FOXP2: variants seen among roughly 807,000 people sequenced by gnomAD.
The protein encoded by FOXP2 is forkhead box protein P2.
A neutral mutation model predicts 115.8 loss-of-function variants in FOXP2; 12 were observed. The observed-to-expected ratio is 0.10, with a 90% CI of 0.07 to 0.17. FOXP2 has a LOEUF of 0.17. Ranked by LOEUF, FOXP2 falls within the 10% of genes least tolerant of loss-of-function variation. The probability of loss-of-function intolerance (pLI) is 1.00; values close to 1 mark genes in which losing one functional copy is unlikely to be tolerated. For synonymous variants in FOXP2, 328 were observed against 297.7 expected (o/e 1.10, Z -1.05); for missense variants, 629 against 843.5 (o/e 0.75, Z 3.15).
chr7:114,439,964 G>A (rs1454094942), intron 2 of FOXP2, among the ~76,000 whole-genome samples: 3 of 152,118 alleles, frequency 2.0e-5, no homozygotes, highest in Non-Finnish European at 4.4e-5. Context: ...TTACATAATA[G>A]ATCCTCTCAC....
intron 1 of FOXP2, among the ~76,000 whole-genome samples, chr7:114,118,380 A>C (rs776455744): frequency 6.6e-6 from 1 of 152,056 alleles, no homozygotes; most frequent in African/African-American, 2.4e-5. Flanking sequence ...TAGAAAAAGT[A>C]TGTGATAAAG....
chr7:114,476,929 C>T (rs973179901), intron 2 of FOXP2, among the ~76,000 whole-genome samples: 6 of 151,844 alleles, frequency 4.0e-5, no homozygotes, highest in African/African-American at 1.5e-4. Context: ...CATCAAATAA[C>T]TGAAAATCAA....
chr7:114,299,907 GA>G (rs1317605829), intron 2 of FOXP2, among the ~76,000 whole-genome samples: 7 of 151,924 alleles, frequency 4.6e-5, no homozygotes, highest in Admixed American at 3.9e-4. Context: ...ATGATTTAAG[GA>G]AATCAAAGGA....
chr7:114,377,617 A>C (rs1479890543), intron 2 of FOXP2, among the ~76,000 whole-genome samples: 1 of 152,190 alleles, frequency 6.6e-6, no homozygotes, highest in Non-Finnish European at 1.5e-5. Context: ...CTTACTGGAC[A>C]GTGGACTGGA....
intron 2 of FOXP2, among the ~76,000 whole-genome samples, chr7:114,530,529 G>GA (rs145117956): frequency 5.8e-4 from 88 of 151,236 alleles, no homozygotes; most frequent in Admixed American, 1.2e-3. Flanking sequence ...TATTTACTTT[G>GA]AAAAAAAAGT....
intron 3 of FOXP2, among the ~76,000 whole-genome samples, chr7:114,543,898 G>A (rs1263536281): frequency 6.6e-6 from 1 of 152,212 alleles, no homozygotes; most frequent in Non-Finnish European, 1.5e-5. Context: ...AGACTTGAGA[G>A]AAGTTCCCTG....
At chr7:114,104,997 A>G (rs1353238868) in intron 1 of FOXP2, among the ~76,000 whole-genome samples, 1 of 152,040 alleles carries the variant, frequency 6.6e-6, no homozygotes, top group Admixed American at 6.6e-5. Context: ...TCTGATCTGT[A>G]TATTCTGGTT....
chr7:114,323,011 C>T (rs572620296), intron 2 of FOXP2, among the ~76,000 whole-genome samples: 70 of 152,200 alleles, frequency 4.6e-4, no homozygotes, highest in Admixed American at 7.8e-4. Context: ...ATACCTAACT[C>T]ATTAATATTC....
chr7:114,327,174 T>C (rs1797576128), intron 2 of FOXP2, among the ~76,000 whole-genome samples: 1 of 152,346 alleles, frequency 6.6e-6, no homozygotes. Flanking sequence ...GTATGATTAC[T>C]AATTTTTGTC....
chr7:114,622,500 G>A (rs891484858), intron 3 of FOXP2, among the ~76,000 whole-genome samples: 2 of 151,834 alleles, frequency 1.3e-5, no homozygotes, highest in African/African-American at 4.8e-5. Flanking sequence ...GCAGCTAAAT[G>A]TTGGAATTAG....
At chr7:114,235,079 A>G (rs991698717) in intron 1 of FOXP2, among the ~76,000 whole-genome samples, 9 of 149,688 alleles carry the variant, frequency 6.0e-5, no homozygotes, top group Admixed American at 5.3e-4. Context: ...AAAGTATCCA[A>G]TTGTATTCAT....
intron 1 of FOXP2, among the ~76,000 whole-genome samples, chr7:114,170,946 C>G (rs956529204): frequency 6.6e-6 from 1 of 152,200 alleles, no homozygotes; most frequent in African/African-American, 2.4e-5. Flanking sequence ...ATAGAACAAC[C>G]TTTTATTGTA....
At chr7:114,323,524 A>C (rs982518969) in intron 2 of FOXP2, among the ~76,000 whole-genome samples, 1 of 152,060 alleles carries the variant, frequency 6.6e-6, no homozygotes, top group Non-Finnish European at 1.5e-5. Flanking sequence ...TCTCACTAGG[A>C]AAAGGTAATC....
intron 2 of FOXP2, among the ~76,000 whole-genome samples, chr7:114,400,877 G>T (rs1006153615): frequency 6.6e-6 from 1 of 152,078 alleles, no homozygotes; most frequent in Non-Finnish European, 1.5e-5. Context: ...TCTTGCAGTA[G>T]GGGAGCAAGA....
chr7:114,576,913 G>A (rs146417210), intron 3 of FOXP2, among the ~76,000 whole-genome samples: 6 of 151,864 alleles, frequency 4.0e-5, no homozygotes, highest in African/African-American at 1.4e-4. Flanking sequence ...TGTCATTTTA[G>A]TGTATAAATT....
intron 2 of FOXP2, among the ~76,000 whole-genome samples, chr7:114,328,604 G>A (rs1797619292): frequency 6.6e-6 from 1 of 152,062 alleles, no homozygotes. Flanking sequence ...CCTTATAATG[G>A]ATATTAAAAT....
chr7:114,297,839 T>C (rs1796780704), intron 2 of FOXP2, among the ~76,000 whole-genome samples: 1 of 152,176 alleles, frequency 6.6e-6, no homozygotes, highest in South Asian at 2.1e-4. Context: ...CACATTGTAG[T>C]TTTTCCTCAT....
At chr7:114,112,899 T>C (rs1254168669) in intron 1 of FOXP2, among the ~76,000 whole-genome samples, 1 of 152,132 alleles carries the variant, frequency 6.6e-6, no homozygotes, top group Non-Finnish European at 1.5e-5. Context: ...CTCATGTCTA[T>C]ATTGAGTTCA....
In FOXP2 at chr7:114,613,477, C is replaced by A. The variant is rs189917541; in HGVS notation, c.259-15063C>A. On this transcript the variant is annotated intron_variant, in intron 3 of 16. Coordinates refer to ENST00000350908, the MANE Select transcript of FOXP2 (RefSeq NM_014491.4). ...GATCATGAGGTCAGGAGATTGAAAC[C>A]ATCCTGGCTAACAAAGTGAAACCCC... is the stretch of plus-strand genomic sequence containing the variant. Among the ~76,000 whole-genome samples the A allele has an allele frequency of 9.5e-4, 144 of 152,062 alleles. 1 individual carries two copies. Among genetic ancestry groups the A allele is most frequent in the African/African-American group, 3.1e-3 (130 of 41,478 alleles).
Sources: gnomAD v4.1 joint callset for allele counts (sites outside exome capture counted in the v4.1 genomes callset) on GRCh38, gnomAD v4.1.1 for gene constraint, MANE v1.5 for transcripts, NCBI Gene and HGNC (gene_info 2026-07-23, HGNC 2026-07-21) for gene names.